Variants in DTWD2 observed in about 807,000 individuals in gnomAD.
DTWD2 encodes DTW motif tRNA-uridine aminocarboxypropyltransferase 2, also known as tRNA-uridine aminocarboxypropyltransferase 2.
A neutral mutation model predicts 31.8 loss-of-function variants in DTWD2; 39 were observed. The observed-to-expected ratio is 1.22, with a 90% CI of 0.95 to 1.60. DTWD2 has a LOEUF of 1.60. Among genes scored for constraint, DTWD2 ranks in the 40% most tolerant of loss-of-function variants. The pLI is 0.00. For missense variants in DTWD2, 515 were observed against 381.5 expected (o/e 1.35, Z -2.92); for synonymous variants, 180 against 142.8 (o/e 1.26, Z -1.86).
At chr5:118,936,436 C>T (rs1754046580) in intron 3 of DTWD2, among the ~76,000 whole-genome samples, 1 of 151,254 alleles carries the variant, frequency 6.6e-6, no homozygotes, top group Non-Finnish European at 1.5e-5. Context: ...GTGTGTGCCA[C>T]TGTACTTCAA....
At chr5:118,928,467 T>A in intron 4 of DTWD2, 70 bp downstream of exon 4, 1 of 1,130,984 alleles carries the variant, frequency 8.8e-7, no homozygotes, top group African/African-American at 1.6e-5. Context: ...GTGTATCCCT[T>A]CACAGAAAAC....
chr5:118,854,006 T>C (rs963303082), intron 4 of DTWD2, among the ~76,000 whole-genome samples: 9 of 152,222 alleles, frequency 5.9e-5, no homozygotes, highest in African/African-American at 2.2e-4. Context: ...ATGTATTAAC[T>C]TTTAGTTGGA....
chr5:118,981,938 GTTCATTATTATGTGGTGTAGCAATAA>G (rs1460325335), intron 1 of DTWD2, among the ~76,000 whole-genome samples: 2 of 152,108 alleles, frequency 1.3e-5, no homozygotes, highest in African/African-American at 2.4e-5. Flanking sequence ...CAGTCATACT[GTTCATTATTATGTGGTGTAGCAATAA>G]TTCATTATTA....
intron 4 of DTWD2, among the ~76,000 whole-genome samples, chr5:118,882,533 C>G (rs1752764524): frequency 6.6e-6 from 1 of 152,260 alleles, no homozygotes; most frequent in Admixed American, 6.5e-5. Flanking sequence ...AGCAGAGGTT[C>G]TCCATGAGGG....
At chr5:118,868,414 T>C (rs1384797280) in intron 4 of DTWD2, among the ~76,000 whole-genome samples, 2 of 152,038 alleles carry the variant, frequency 1.3e-5, no homozygotes, top group Non-Finnish European at 2.9e-5. Flanking sequence ...AATAGATAAA[T>C]TATACAACCT....
In DTWD2 at chr5:118,855,979, C is replaced by T. The variant is rs1752124844; in HGVS notation, c.598-7761G>A. Among the ~76,000 whole-genome samples, 6 of 152,170 alleles carry T rather than the reference C, an allele frequency of 3.9e-5. No individual in the cohort carries two copies. The South Asian group carries it at 1.2e-3, about 32-fold the overall frequency. On this transcript the variant is annotated intron_variant, in intron 4 of 5. Transcript: ENST00000510708. ...TTAGGAAGTATAAGACTAAAACTGA[C>T]ATCCTTGAATCTTCTAATAACCATT...
In DTWD2 at chr5:118,881,169, A is replaced by G. The variant is rs191336704; in HGVS notation, c.598-32951T>C. On this transcript the variant is annotated intron_variant, in intron 4 of 5. Coordinates refer to ENST00000510708, the MANE Select transcript of DTWD2 (RefSeq NM_173666.4). ...TCTCATACTATGTTTAAATTCATAC[A>G]GAAAAAGCAAATACAGTACTAAAGG... 1.2e-4 allele frequency among the ~76,000 whole-genome samples: 18 copies of G among 152,348 alleles called. No individual in the cohort carries two copies. The East Asian group carries it at 1.9e-3, about 16-fold the overall frequency.
At chr5:118,897,122 T>C (rs552380342) in intron 4 of DTWD2, among the ~76,000 whole-genome samples, 1 of 152,188 alleles carries the variant, frequency 6.6e-6, no homozygotes, top group Non-Finnish European at 1.5e-5. Flanking sequence ...GAACTCAGTA[T>C]ATAGTGGAAC....
intron 4 of DTWD2, among the ~76,000 whole-genome samples, chr5:118,889,016 TGAA>T (rs907798992): frequency 2.0e-4 from 30 of 152,342 alleles, no homozygotes; most frequent in African/African-American, 6.7e-4. Flanking sequence ...GATAATTCCT[TGAA>T]GACATTTCTC....
chr5:118,928,808 TAA>T (rs1484327834), intron 3 of DTWD2, 79 bp from the exon 4 acceptor site: 8 of 1,222,202 alleles, frequency 6.5e-6, no homozygotes, highest in African/African-American at 1.5e-5. Flanking sequence ...AATTTCCTAA[TAA>T]AAGTTTCCCT....
At chr5:118,933,735 G>C (rs1008182643) in intron 3 of DTWD2, among the ~76,000 whole-genome samples, 2 of 151,976 alleles carry the variant, frequency 1.3e-5, no homozygotes, top group African/African-American at 4.8e-5. Flanking sequence ...AAACAAGGAT[G>C]TCCTCTCACC....
intron 4 of DTWD2, among the ~76,000 whole-genome samples, chr5:118,850,815 T>G (rs535116149): frequency 6.6e-6 from 1 of 151,996 alleles, no homozygotes; most frequent in South Asian, 2.1e-4. Flanking sequence ...TAAACAAATT[T>G]CAAGCAAAAA....
At chr5:118,976,871 G>C (rs769283352) in intron 1 of DTWD2, among the ~76,000 whole-genome samples, 7 of 152,100 alleles carry the variant, frequency 4.6e-5, no homozygotes, top group Admixed American at 4.6e-4. Flanking sequence ...AAACCTGGCA[G>C]AGATACAACA....
intron 4 of DTWD2, among the ~76,000 whole-genome samples, chr5:118,884,481 ACACT>A (rs1470609065): frequency 1.3e-5 from 2 of 152,248 alleles, no homozygotes. Context: ...AATTATCGAC[ACACT>A]CATACACAAA....
chr5:118,895,686 A>G (rs1040633038), intron 4 of DTWD2, among the ~76,000 whole-genome samples: 8 of 152,228 alleles, frequency 5.3e-5, no homozygotes, highest in African/African-American at 1.9e-4. Context: ...AACAGAATAC[A>G]GTACCCAGAA....
intron 3 of DTWD2, among the ~76,000 whole-genome samples, chr5:118,932,611 G>T (rs1753952487): frequency 1.3e-5 from 2 of 152,126 alleles, no homozygotes; most frequent in African/African-American, 4.8e-5. Context: ...AGCCATTAGG[G>T]TGGTCCCTAT....
chr5:118,918,323 G>A (rs1753624527), intron 4 of DTWD2, among the ~76,000 whole-genome samples: 1 of 148,844 alleles, frequency 6.7e-6, no homozygotes, highest in South Asian at 2.1e-4. Context: ...ATATCAGTCA[G>A]GTTTTTTTTT....
At chr5:118,876,628 T>C (rs1752627975) in intron 4 of DTWD2, among the ~76,000 whole-genome samples, 1 of 151,718 alleles carries the variant, frequency 6.6e-6, no homozygotes, top group Non-Finnish European at 1.5e-5. Context: ...AACTAGAAAA[T>C]CTAAAAGAAA....
chr5:118,943,859 T>C (rs995978349), intron 2 of DTWD2, among the ~76,000 whole-genome samples: 7 of 152,234 alleles, frequency 4.6e-5, no homozygotes, highest in Non-Finnish European at 7.3e-5. Context: ...TTATTCCTTC[T>C]TAGAAAGCTT....
Sources: gnomAD v4.1 joint callset for allele counts (sites outside exome capture counted in the v4.1 genomes callset) on GRCh38, gnomAD v4.1.1 for gene constraint, MANE v1.5 for transcripts, NCBI Gene and HGNC (gene_info 2026-07-23, HGNC 2026-07-21) for gene names.